CACNG6: variants seen among roughly 807,000 people sequenced by gnomAD.
CACNG6 encodes calcium voltage-gated channel auxiliary subunit gamma 6, also known as voltage-dependent calcium channel gamma-6 subunit.
In CACNG6, 21 loss-of-function variants were observed where a neutral mutation model predicts 23.9. That is an observed-to-expected ratio of 0.88 (90% CI 0.62 to 1.26). The LOEUF (loss-of-function observed/expected upper bound fraction) is 1.26, where lower values mean the gene tolerates loss of function less well. Among genes scored for constraint, CACNG6 ranks in the 50% most tolerant of loss-of-function variants. The probability of loss-of-function intolerance (pLI) is 0.00; values close to 1 mark genes in which losing one functional copy is unlikely to be tolerated. For missense variants in CACNG6, 340 were observed against 352.9 expected (o/e 0.96, Z 0.29); for synonymous variants, 182 against 168.9 (o/e 1.08, Z -0.60).
Position 53,995,483 on chromosome 19 carries a change from C to T in CACNG6, c.331+2275C>T, listed in dbSNP as rs376423546. Among the ~76,000 whole-genome samples the T allele has an allele frequency of 1.4e-3, 215 of 152,210 alleles. 1 individual carries two copies. The highest frequency in any genetic ancestry group is 4.4e-3 in the South Asian group (21 of 4,812). On this transcript the variant is annotated intron_variant, in intron 1 of 3. Transcript: ENST00000252729. Reference sequence around the variant, plus strand: ...CTGCACTTTTCCAGATGGGATGTGTCATGTTTGGGGGTGGTCGAATTGGGA... The same window carrying T: ...CTGCACTTTTCCAGATGGGATGTGTTATGTTTGGGGGTGGTCGAATTGGGA...
intron 2 of CACNG6, 57 bp downstream of exon 2, chr19:53,998,370 G>A: frequency 1.3e-6 from 2 of 1,505,958 alleles, no homozygotes; most frequent in Non-Finnish European, 9.2e-7. Flanking sequence ...GAGCGTGCTG[G>A]AGGAGTTCTA....
chr19:54,003,151 C>T (rs1014944590), intron 3 of CACNG6, among the ~76,000 whole-genome samples: 1 of 152,110 alleles, frequency 6.6e-6, no homozygotes, highest in African/African-American at 2.4e-5. Flanking sequence ...GAAACATGTA[C>T]TTCATACAGA....
chr19:53,993,289 C>T, intron 1 of CACNG6, 81 bp downstream of exon 1: 2 of 1,378,464 alleles, frequency 1.5e-6, no homozygotes, highest in Admixed American at 2.5e-5. Flanking sequence ...GGAGAAAACC[C>T]GCCCCAGGGA....
At chr19:54,011,208 AT>A (rs2069706278) in intron 3 of CACNG6, among the ~76,000 whole-genome samples, 3 of 92,178 alleles carry the variant, frequency 3.3e-5, no homozygotes, top group African/African-American at 5.2e-5. Flanking sequence ...AAAAAAAAAT[AT>A]ATATATATAT....
At position 53,993,195 on chromosome 19, in the gene CACNG6, G is replaced by T. The variant is rs2069484272; in HGVS notation, c.318G>T (p.Ala106=). Reference sequence around the variant, plus strand: ...TGGACAGGGACACCTGCGGCCCCGCGGAGCTGCCCGGAGGTGAGCAGCCGC... The same window carrying T: ...TGGACAGGGACACCTGCGGCCCCGCTGAGCTGCCCGGAGGTGAGCAGCCGC... ...VPVDRDTCGP[A]ELPGEANCTY... The change falls in exon 1 of 4, where the codon GCG becomes GCT. Residue 106 remains alanine, a synonymous_variant. Transcript: ENST00000252729. 1.3e-6 allele frequency: 2 copies of T among 1,539,952 alleles called. No homozygotes were observed. The highest frequency in any genetic ancestry group is 2.4e-5 in the South Asian group (2 of 83,834).
intron 1 of CACNG6, among the ~76,000 whole-genome samples, chr19:53,997,276 T>G (rs1479851348): frequency 2.0e-5 from 3 of 152,202 alleles, no homozygotes; most frequent in Non-Finnish European, 2.9e-5. Context: ...TTATTCTAAT[T>G]CATGGCTATA....
chr19:54,002,954 G>A lies in CACNG6; in HGVS notation c.544+3183G>A, dbSNP rs186675033. 1.1e-3 allele frequency among the ~76,000 whole-genome samples: 167 copies of A among 152,290 alleles called. 1 individual carries two copies. The highest frequency in any genetic ancestry group is 3.7e-3 in the African/African-American group (153 of 41,560). On this transcript the variant is annotated intron_variant, in intron 3 of 3. Coordinates refer to ENST00000252729, the MANE Select transcript of CACNG6 (RefSeq NM_145814.2). ...TGAGACAGAGAAGTCTGCTGCCCTC[G>A]TGGATTTATAGTGCAGTGGGAGAGA...
At chr19:54,009,786 A>AG (rs1241155188) in intron 3 of CACNG6, among the ~76,000 whole-genome samples, 1 of 147,570 alleles carries the variant, frequency 6.8e-6, no homozygotes, top group Non-Finnish European at 1.5e-5. Context: ...CTTTTTTTAA[A>AG]AAAAAAAAAT....
Position 53,992,850 on chromosome 19 carries a change from C to G in CACNG6, c.-28C>G, listed in dbSNP as rs1312769034. 2.2e-6 allele frequency: 3 copies of G among 1,363,440 alleles called. No homozygotes were observed. Among genetic ancestry groups the G allele is most frequent in the South Asian group, 4.4e-5 (2 of 45,482 alleles). The allele number at this position is 1,363,440 out of a possible 1,614,324, so 84.5% of individuals were successfully genotyped here. A position where few individuals can be genotyped will look rare whatever the true frequency, so the allele number is the denominator to read the frequency against. On this transcript the variant is annotated 5_prime_UTR_variant, in exon 1 of 4. Transcript: ENST00000252729. The surrounding 1 kb of genome is among the most constrained non-coding windows in gnomAD (Gnocchi z 4.1). ...AGGCCCTTCGCCGGCTCTGCCTCCTCCCCCTTCCCGACCCCACCGGCCATA... is the reference window on the plus strand; with the variant it reads ...AGGCCCTTCGCCGGCTCTGCCTCCTGCCCCTTCCCGACCCCACCGGCCATA...
At chr19:54,001,240 G>A (rs1300273076) in intron 3 of CACNG6, among the ~76,000 whole-genome samples, 1 of 151,016 alleles carries the variant, frequency 6.6e-6, no homozygotes, top group Non-Finnish European at 1.5e-5. Flanking sequence ...CCACGCTGGA[G>A]TGCAGTGGCA....
chr19:53,998,243 A>C lies in CACNG6; in HGVS notation c.336A>C (p.Ala112=). Residue 112 remains alanine (A), a synonymous_variant, in exon 2 of 4, where the codon GCA becomes GCC. Coordinates refer to ENST00000252729, the MANE Select transcript of CACNG6 (RefSeq NM_145814.2). The part of the protein sequence containing the change: ...TCGPAELPGE[A]NCTYFKFFTT... ...TTCTCTCTCCTGCTCCCACAGAAGC[A>C]AACTGCACCTATTTTAAATTCTTCA... is the stretch of plus-strand genomic sequence containing the variant. The C allele has an allele frequency of 6.2e-7, 1 of 1,614,000 alleles. No homozygotes were observed. The highest frequency in any genetic ancestry group is 1.1e-5 in the South Asian group (1 of 91,084).
intron 1 of CACNG6, 52 bp downstream of exon 1, chr19:53,993,260 G>A (rs1209476221): frequency 6.7e-7 from 1 of 1,487,736 alleles, no homozygotes; most frequent in Non-Finnish European, 8.9e-7. Context: ...GACAGGGAGG[G>A]AGAGGGGCCC....
rs897797109 is a variant in CACNG6, at chr19:53,993,045, C to G, written c.168C>G (p.Ser56=). Residue 56 remains serine (S), a synonymous_variant, in exon 1 of 4, where the codon TCC becomes TCG. Coordinates refer to ENST00000252729, the MANE Select transcript of CACNG6 (RefSeq NM_145814.2). Reference sequence around the variant, plus strand: ...TGGGCGCCACGCTGGCGGTGCTGTCCGTGGGCACCGAGTTCTGGGTGGAGC... The same window carrying G: ...TGGGCGCCACGCTGGCGGTGCTGTCGGTGGGCACCGAGTTCTGGGTGGAGC... The part of the protein sequence containing the change: ...AAVGATLAVL[S]VGTEFWVELN... The G allele has an allele frequency of 8.0e-6, 12 of 1,503,444 alleles. No homozygotes were observed. The East Asian group carries it at 3.2e-4, about 41-fold the overall frequency. The allele number at this position is 1,503,444 out of a possible 1,614,324, so 93.1% of individuals were successfully genotyped here.
chr19:54,011,247 A>ACACAC lies in CACNG6; in HGVS notation c.545-704_545-703insCACAC, dbSNP rs1281429168. On this transcript the variant is annotated intron_variant, in intron 3 of 3. Coordinates refer to ENST00000252729, the MANE Select transcript of CACNG6 (RefSeq NM_145814.2). Reference sequence around the variant, plus strand: ...ATATATACACACACACACACACACAAAAATTAGCCAGGCGTGGTAGCGCAC... The same window carrying ACACAC: ...ATATATACACACACACACACACACAACACACAAATTAGCCAGGCGTGGTAGCGCAC... Among the ~76,000 whole-genome samples, 729 of 105,828 alleles carry ACACAC rather than the reference A, an allele frequency of 6.9e-3. 13 individuals carry two copies. Among genetic ancestry groups the ACACAC allele is most frequent in the East Asian group, 0.062 (193 of 3,128 alleles). The allele number at this position is 105,828 out of a possible 152,430, so 69.4% of individuals were successfully genotyped here.
At chr19:54,002,283 T>G (rs952969669) in intron 3 of CACNG6, among the ~76,000 whole-genome samples, 12 of 129,700 alleles carry the variant, frequency 9.3e-5, no homozygotes, top group East Asian at 2.3e-4. Flanking sequence ...TTGTTTTTTT[T>G]GTTTTTTTTT....
Position 53,993,313 on chromosome 19 carries a change from C to T in CACNG6, c.331+105C>T, listed in dbSNP as rs1326193019. ...CCGCCCCAGGGACAAAAGCCTGAGCCCGGAGGAGACAGCTTGCCTCGCAGT... is the reference window on the plus strand; with the variant it reads ...CCGCCCCAGGGACAAAAGCCTGAGCTCGGAGGAGACAGCTTGCCTCGCAGT... On this transcript the variant is annotated intron_variant, in intron 1 of 3. Coordinates refer to ENST00000252729, the MANE Select transcript of CACNG6 (RefSeq NM_145814.2). The T allele has an allele frequency of 5.9e-6, 7 of 1,181,328 alleles. No homozygotes were observed. The African/African-American group carries it at 8.0e-5, about 13-fold the overall frequency. The allele number at this position is 1,181,328 out of a possible 1,614,324, so 73.2% of individuals were successfully genotyped here.
At chr19:54,007,311 A>G (rs768782804) in intron 3 of CACNG6, among the ~76,000 whole-genome samples, 3 of 152,054 alleles carry the variant, frequency 2.0e-5, no homozygotes, top group Non-Finnish European at 4.4e-5. Context: ...AAAGTGCTGG[A>G]ATGACAGGCG....
intron 3 of CACNG6, among the ~76,000 whole-genome samples, chr19:54,004,912 T>TAAATAAATAAATAAATAAATAAATAAA (rs1385957632): frequency 6.6e-5 from 10 of 151,664 alleles, no homozygotes; most frequent in African/African-American, 2.4e-4. Context: ...AATAAATAAA[T>TAAATAAATAAATAAATAAATAAATAAA]AAATAAATAA....
In CACNG6 at chr19:54,012,299, G is replaced by C; in HGVS notation, c.*110G>C. 2.0e-6 allele frequency: 1 copy of C among 504,328 alleles called. No individual in the cohort carries two copies. The highest frequency in any genetic ancestry group is 3.4e-6 in the Non-Finnish European group (1 of 291,178). The allele number at this position is 504,328 out of a possible 1,614,324, so 31.2% of individuals were successfully genotyped here. A position where few individuals can be genotyped will look rare whatever the true frequency, so the allele number is the denominator to read the frequency against. On this transcript the variant is annotated 3_prime_UTR_variant, in exon 4 of 4. Coordinates refer to ENST00000252729, the MANE Select transcript of CACNG6 (RefSeq NM_145814.2). ...TAGAGAAACTGTGTTCTCCCTGCTC[G>C]GGGGCCCATGTTTTTTTACACGCCT...
Sources: allele counts gnomAD v4.1 joint callset (sites outside exome capture counted in the v4.1 genomes callset), GRCh38; gene constraint gnomAD v4.1.1; non-coding constraint Gnocchi (gnomAD v3.1); transcripts MANE v1.5; gene names NCBI Gene and HGNC (gene_info 2026-07-23, HGNC 2026-07-21).